Variants in PCLO observed in about 807,000 individuals in gnomAD.
PCLO encodes protein piccolo.
A neutral mutation model predicts 427.5 loss-of-function variants in PCLO; 82 were observed. That is an observed-to-expected ratio of 0.19 (90% confidence interval 0.16 to 0.23). PCLO has a LOEUF of 0.23. PCLO is among the 10% of genes least tolerant of loss of function. PCLO has a pLI of 1.00. For missense variants in PCLO, 6,239 were observed against 6,115.9 expected (o/e 1.02, Z -0.67); for synonymous variants, 2,357 against 2,155.4 (o/e 1.09, Z -2.59).
chr7:82,935,244 C>T (rs927990122), intron 6 of PCLO, among the ~76,000 whole-genome samples: 1 of 135,378 alleles, frequency 7.4e-6, no homozygotes, highest in Admixed American at 7.5e-5. Context: ...CTCAGACATA[C>T]AAATTTAATC....
At chr7:83,093,698 T>C (rs1392880426) in intron 3 of PCLO, among the ~76,000 whole-genome samples, 1 of 149,728 alleles carries the variant, frequency 6.7e-6, no homozygotes, top group African/African-American at 2.5e-5. Context: ...TTTCACCGTG[T>C]TAGCCAGGAT....
chr7:82,898,605 C>T (rs2116169142), intron 9 of PCLO, among the ~76,000 whole-genome samples: 1 of 151,498 alleles, frequency 6.6e-6, no homozygotes, highest in South Asian at 2.1e-4. Flanking sequence ...AGGTATACTA[C>T]ATTTTATTCT....
chr7:82,829,170 G>A (rs958333158), intron 16 of PCLO, among the ~76,000 whole-genome samples: 4 of 152,130 alleles, frequency 2.6e-5, no homozygotes, highest in African/African-American at 7.2e-5. Flanking sequence ...TGGGCCTGCA[G>A]GCAAGTACTT....
chr7:83,121,807 TTAAG>T (rs1396361337), intron 3 of PCLO, among the ~76,000 whole-genome samples: 7 of 152,008 alleles, frequency 4.6e-5, no homozygotes, highest in African/African-American at 1.7e-4. Flanking sequence ...AACGATTCAA[TTAAG>T]TGAGAGGCTA....
In PCLO at chr7:83,162,688, C is replaced by T; in HGVS notation, c.-96G>A. 1 of 1,423,514 alleles carries T rather than the reference C, an allele frequency of 7.0e-7. No individual in the cohort carries two copies. Among genetic ancestry groups the T allele is most frequent in the Non-Finnish European group, 9.2e-7 (1 of 1,086,140 alleles). The allele number at this position is 1,423,514 out of a possible 1,614,324, so 88.2% of individuals were successfully genotyped here. A position where few individuals can be genotyped will look rare whatever the true frequency, so the allele number is the denominator to read the frequency against. ...GGGAGCAGTCAGAGCCGGGGTCCGC[C>T]TCGGGGCGTGCAGGCAGCCGAGTCC... is the stretch of plus-strand genomic sequence containing the variant. On this transcript the variant is annotated 5_prime_UTR_variant, in exon 1 of 25. Coordinates refer to ENST00000333891, the MANE Select transcript of PCLO (RefSeq NM_033026.6).
At chr7:82,878,343 T>C (rs1181464966) in intron 10 of PCLO, among the ~76,000 whole-genome samples, 1 of 152,204 alleles carries the variant, frequency 6.6e-6, no homozygotes, top group African/African-American at 2.4e-5. Context: ...GAGTCATTTT[T>C]AGCATGATTA....
At chr7:82,774,962 T>G (rs1175325153) in intron 22 of PCLO, among the ~76,000 whole-genome samples, 1 of 152,228 alleles carries the variant, frequency 6.6e-6, no homozygotes, top group Non-Finnish European at 1.5e-5. Context: ...AGTTCTGCTT[T>G]TTCCTAATGT....
chr7:82,801,642 C>T, intron 21 of PCLO, 51 bp from the exon 22 acceptor site: 1 of 1,070,874 alleles, frequency 9.3e-7, no homozygotes, highest in Non-Finnish European at 1.4e-6. Context: ...CTCATGAATG[C>T]AAAAGAGGCT....
chr7:83,152,571 C>A (rs138521187), intron 2 of PCLO, among the ~76,000 whole-genome samples: 168 of 152,264 alleles, frequency 1.1e-3, no homozygotes, highest in African/African-American at 4.0e-3. Context: ...AACACCCTAG[C>A]TAACCTACAT....
chr7:82,835,589 T>C lies in PCLO; in HGVS notation c.14249+78A>G, dbSNP rs559504232. 167 of 1,063,508 alleles carry C rather than the reference T, an allele frequency of 1.6e-4. No individual in the cohort carries two copies. In the South Asian group the frequency reaches 2.2e-3, roughly 14 times the overall value. 65.9% of individuals were successfully genotyped at this position (1,063,508 alleles called of 1,614,324 possible). ...GTTACAGCCCATGTTGAAGTGCCAG[T>C]GAATGTACATAAAAATGCCAAAAGT... On this transcript the variant is annotated intron_variant, in intron 16 of 24. Coordinates refer to ENST00000333891, the MANE Select transcript of PCLO (RefSeq NM_033026.6).
intron 3 of PCLO, among the ~76,000 whole-genome samples, chr7:83,044,569 T>C (rs938418693): frequency 6.6e-6 from 1 of 152,144 alleles, no homozygotes; most frequent in Non-Finnish European, 1.5e-5. Flanking sequence ...TTTTTTTGTT[T>C]GTTTGTTTTT....
intron 6 of PCLO, 63 bp from the exon 7 acceptor site, chr7:82,916,936 T>C (rs1364786837): frequency 9.3e-7 from 1 of 1,078,120 alleles, no homozygotes; most frequent in Non-Finnish European, 1.3e-6. Flanking sequence ...CAAATCTACT[T>C]CCATGAATTA....
rs1052652300 is a variant in PCLO at position 83,096,562 on chromosome 7, T to C, written c.3300+37688A>G. 2.1e-4 allele frequency among the ~76,000 whole-genome samples: 32 copies of C among 151,158 alleles called. 1 individual carries two copies. On this transcript the variant is annotated intron_variant, in intron 3 of 24. Transcript: ENST00000333891. ...TGCCAGGCACAGGGGATACACGCTA[T>C]GTATGTCAGCTATGATTACATATCA...
chr7:82,989,198 T>C (rs1467565600), intron 3 of PCLO, among the ~76,000 whole-genome samples: 1 of 152,106 alleles, frequency 6.6e-6, no homozygotes, highest in African/African-American at 2.4e-5. Flanking sequence ...TATTGTTAAC[T>C]GCTATCTGGT....
intron 3 of PCLO, among the ~76,000 whole-genome samples, chr7:82,977,917 G>A (rs2115750217): frequency 6.6e-6 from 1 of 152,102 alleles, no homozygotes; most frequent in South Asian, 2.1e-4. Context: ...CTTATTTTTG[G>A]CCTGTGTGTT....
chr7:82,802,277 A>C (rs570024418), intron 21 of PCLO, among the ~76,000 whole-genome samples: 1 of 152,104 alleles, frequency 6.6e-6, no homozygotes, highest in African/African-American at 2.4e-5. Flanking sequence ...AACACATGAA[A>C]AATGCGTGAA....
At chr7:83,089,039 T>G (rs1790310769) in intron 3 of PCLO, among the ~76,000 whole-genome samples, 1 of 152,126 alleles carries the variant, frequency 6.6e-6, no homozygotes, top group South Asian at 2.1e-4. Flanking sequence ...ACATAGTATG[T>G]GAGAGAAAAT....
rs534351075 is a variant in PCLO, at chr7:82,773,981, A to G, written c.15008-12488T>C. On this transcript the variant is annotated intron_variant, in intron 22 of 24. Transcript: ENST00000333891. ...GACTTCCTACAAGGCTGTAGCTCTT[A>G]CCCGGGATCCCCTCCAACATGGCGA... Among the ~76,000 whole-genome samples, 3 of 152,284 alleles carry G rather than the reference A, an allele frequency of 2.0e-5. No homozygotes were observed. In the South Asian group the frequency reaches 6.2e-4, roughly 32 times the overall value.
chr7:82,838,364 T>C (rs1441387559), intron 14 of PCLO, 22 bp from the exon 15 acceptor site: 2 of 1,360,698 alleles, frequency 1.5e-6, no homozygotes, highest in Non-Finnish European at 1.0e-6. Flanking sequence ...AGAAAAATAT[T>C]CCATAAGTTT....
Sources: allele counts gnomAD v4.1 joint callset (sites outside exome capture counted in the v4.1 genomes callset), GRCh38; gene constraint gnomAD v4.1.1; transcripts MANE v1.5; gene names NCBI Gene and HGNC (gene_info 2026-07-23, HGNC 2026-07-21).